The following IL1RAPL2 variants were observed in gnomAD, a reference collection of about 807,000 sequenced individuals.
IL1RAPL2 encodes the protein interleukin 1 receptor accessory protein like 2.
In IL1RAPL2, 3 loss-of-function variants were observed where a neutral mutation model predicts 44.1. That is an observed-to-expected ratio of 0.07 (90% confidence interval 0.03 to 0.18). The LOEUF is 0.18. Among genes scored for constraint, IL1RAPL2 ranks in the 10% least tolerant of loss-of-function variants. The pLI is 1.00. For missense variants in IL1RAPL2, 391 were observed against 496.4 expected (o/e 0.79, Z 2.02); for synonymous variants, 181 against 178.8 (o/e 1.01, Z -0.10).
chrX:104,810,762 T>C (rs762522236), intron 2 of IL1RAPL2, among the ~76,000 whole-genome samples: 8 of 111,795 alleles, frequency 7.2e-5, no homozygotes, highest in Non-Finnish European at 1.3e-4. Context: ...TTTGGAGAGT[T>C]AACAGAAAAA....
chrX:105,535,446 C>T (rs2036670416), intron 6 of IL1RAPL2, among the ~76,000 whole-genome samples: 1 of 111,865 alleles, frequency 8.9e-6, no homozygotes, highest in Non-Finnish European at 1.9e-5. Context: ...TCTACCATCC[C>T]ACTGTGAGGT....
intron 5 of IL1RAPL2, among the ~76,000 whole-genome samples, chrX:105,303,762 T>G (rs2034713998): frequency 8.9e-6 from 1 of 112,227 alleles, no homozygotes; most frequent in Non-Finnish European, 1.9e-5. Context: ...CCTCTAACAG[T>G]GTGCCTTTCG....
chrX:104,698,274 C>T (rs1341618214), intron 2 of IL1RAPL2, among the ~76,000 whole-genome samples: 1 of 112,339 alleles, frequency 8.9e-6, no homozygotes, highest in Non-Finnish European at 1.9e-5. Context: ...TATACTGCTC[C>T]TTAGAAACAA....
At chrX:105,423,549 G>C (rs1006789166) in intron 5 of IL1RAPL2, among the ~76,000 whole-genome samples, 1 of 111,350 alleles carries the variant, frequency 9.0e-6, no homozygotes, top group African/African-American at 3.3e-5. Context: ...GGTAGAGTTG[G>C]TCAAATCTGA....
intron 2 of IL1RAPL2, among the ~76,000 whole-genome samples, chrX:104,974,140 A>T (rs2030289491): frequency 8.9e-6 from 1 of 111,738 alleles, no homozygotes; most frequent in Admixed American, 9.5e-5. Context: ...TAAGATTTTA[A>T]ACCACACAAA....
intron 2 of IL1RAPL2, among the ~76,000 whole-genome samples, chrX:104,774,315 C>T (rs1932685775): frequency 9.0e-6 from 1 of 111,624 alleles, no homozygotes; most frequent in South Asian, 3.8e-4. Context: ...TGGAGAAGGC[C>T]ATTGCAGGCA....
intron 2 of IL1RAPL2, among the ~76,000 whole-genome samples, chrX:105,040,234 C>T (rs1450256117): frequency 9.0e-6 from 1 of 111,565 alleles, no homozygotes; most frequent in Admixed American, 9.5e-5. Context: ...ATGAAGCCCA[C>T]TTGATCATGG....
intron 2 of IL1RAPL2, among the ~76,000 whole-genome samples, chrX:105,016,107 C>G (rs1247863485): frequency 9.0e-6 from 1 of 111,128 alleles, no homozygotes; most frequent in African/African-American, 3.3e-5. Flanking sequence ...TGATCTGGCT[C>G]TCTGTTTGTC....
intron 1 of IL1RAPL2, among the ~76,000 whole-genome samples, chrX:104,604,377 A>C (rs1432100675): frequency 9.0e-6 from 1 of 111,018 alleles, no homozygotes; most frequent in Non-Finnish European, 1.9e-5. Flanking sequence ...GACCATCAAC[A>C]CTATGAAGAA....
intron 4 of IL1RAPL2, among the ~76,000 whole-genome samples, chrX:105,240,028 T>C (rs782422382): frequency 1.8e-5 from 2 of 112,531 alleles, no homozygotes; most frequent in South Asian, 7.3e-4. Context: ...GATTTGAGTG[T>C]CTTCCCAGGA....
intron 2 of IL1RAPL2, among the ~76,000 whole-genome samples, chrX:104,952,196 C>T (rs2147711208): frequency 8.9e-6 from 1 of 112,005 alleles, no homozygotes. Context: ...TGAGGAAATT[C>T]ATTATACCAT....
At chrX:104,885,649 A>G (rs1430088034) in intron 2 of IL1RAPL2, among the ~76,000 whole-genome samples, 3 of 112,217 alleles carry the variant, frequency 2.7e-5, no homozygotes, top group Non-Finnish European at 1.9e-5. Context: ...CAAGAGGAAC[A>G]GGCCCAAAAG....
intron 6 of IL1RAPL2, among the ~76,000 whole-genome samples, chrX:105,543,492 A>G (rs982311964): frequency 9.6e-4 from 107 of 111,693 alleles, no homozygotes; most frequent in African/African-American, 3.2e-3. Flanking sequence ...GTGAGATACA[A>G]TGAGGTCCTT....
At chrX:104,635,950 T>A (rs1929793230) in intron 1 of IL1RAPL2, among the ~76,000 whole-genome samples, 1 of 112,081 alleles carries the variant, frequency 8.9e-6, no homozygotes, top group East Asian at 2.8e-4. Context: ...TTTTCTGCTC[T>A]GTTTTTTCCC....
In IL1RAPL2 at chrX:104,588,158, A is replaced by C. The variant is rs563828234; in HGVS notation, c.-20+21107A>C. 3.4e-4 allele frequency among the ~76,000 whole-genome samples: 38 copies of C among 111,520 alleles called. No individual in the cohort carries two copies. In the Middle Eastern group the frequency reaches 0.019, roughly 55 times the overall value. ...TCATTCAGTAATTTTCTAGATTTCT[A>C]TAGCATTTTGAAAACCCACTAACCA... On this transcript the variant is annotated intron_variant, in intron 1 of 10. Transcript: ENST00000372582.
intron 5 of IL1RAPL2, among the ~76,000 whole-genome samples, chrX:105,468,022 G>A (rs2036142410): frequency 1.8e-5 from 2 of 111,860 alleles, no homozygotes; most frequent in Non-Finnish European, 3.8e-5. Flanking sequence ...ATTATCTAGA[G>A]TGATGATAGC....
At chrX:105,392,637 A>G (rs1440301106) in intron 5 of IL1RAPL2, among the ~76,000 whole-genome samples, 1 of 111,959 alleles carries the variant, frequency 8.9e-6, no homozygotes, top group Non-Finnish European at 1.9e-5. Context: ...GTGAGTTATG[A>G]GCCTTATTCT....
At chrX:104,847,968 G>A (rs1342516745) in intron 2 of IL1RAPL2, among the ~76,000 whole-genome samples, 5 of 110,489 alleles carry the variant, frequency 4.5e-5, no homozygotes, top group African/African-American at 1.7e-4. Context: ...GTGAATGGGA[G>A]TTCACTCATG....
chrX:104,687,738 A>G (rs1368589613), intron 2 of IL1RAPL2, among the ~76,000 whole-genome samples: 3 of 110,595 alleles, frequency 2.7e-5, no homozygotes, highest in Non-Finnish European at 3.8e-5. Flanking sequence ...AACCCATACT[A>G]CCTAATCTTA....
Sources: gnomAD v4.1 joint callset for allele counts (sites outside exome capture counted in the v4.1 genomes callset) on GRCh38, gnomAD v4.1.1 for gene constraint, MANE v1.5 for transcripts, NCBI Gene and HGNC (gene_info 2026-07-23, HGNC 2026-07-21) for gene names.